The following MAPK10 variants were observed in gnomAD, a reference collection of about 807,000 sequenced individuals.
MAPK10 encodes the protein mitogen-activated protein kinase 10, also known as JNK3 alpha protein kinase.
A neutral mutation model predicts 59.3 loss-of-function variants in MAPK10; 25 were observed. The observed-to-expected ratio is 0.42, with a 90% CI of 0.31 to 0.59. The LOEUF (loss-of-function observed/expected upper bound fraction) is 0.59, where lower values mean the gene tolerates loss of function less well. Among genes scored for constraint, MAPK10 ranks in the 20% least tolerant of loss-of-function variants. The pLI is 0.15. For synonymous variants in MAPK10, 190 were observed against 200.5 expected, an observed-to-expected ratio of 0.95 and a Z score of 0.44; for missense variants, 351 against 568.9, an observed-to-expected ratio of 0.62 and a Z score of 3.90.
At chr4:86,166,634 A>T (rs1161011171) in intron 3 of MAPK10, among the ~76,000 whole-genome samples, 1 of 152,166 alleles carries the variant, frequency 6.6e-6, no homozygotes, top group African/African-American at 2.4e-5. Context: ...ATTACAGGAT[A>T]AGAAGATATT....
At chr4:86,064,863 T>C (rs2046418830) in intron 10 of MAPK10, 1 of 152,568 alleles carries the variant, frequency 6.6e-6, no homozygotes, top group African/African-American at 2.4e-5. Context: ...CTTAAGAGTT[T>C]GTATCATACA....
At chr4:86,194,202 C>T (rs760976963) in intron 3 of MAPK10, 134 bp downstream of exon 3, 9 of 708,280 alleles carry the variant, frequency 1.3e-5, no homozygotes, top group African/African-American at 1.8e-5. Context: ...AGCCGTCTTG[C>T]CAGCTCCTAA....
At chr4:86,152,137 C>T (rs936792073) in intron 4 of MAPK10, 11 of 152,160 alleles carry the variant, frequency 7.2e-5, no homozygotes, top group African/African-American at 2.7e-4. Context: ...CATCCATATT[C>T]TGATGTCCTT....
intron 1 of MAPK10, among the ~76,000 whole-genome samples, chr4:86,514,387 T>C (rs768275159): frequency 6.6e-6 from 1 of 152,228 alleles, no homozygotes; most frequent in Non-Finnish European, 1.5e-5. Context: ...TATACAATTG[T>C]CATTTTTCCT....
chr4:86,115,485 CAG>C (rs386676916), intron 4 of MAPK10, among the ~76,000 whole-genome samples: 7,417 of 151,966 alleles, frequency 0.049, 610 homozygotes, highest in African/African-American at 0.17. Flanking sequence ...TTTTTTTGGA[CAG>C]TTTTGCTCTT....
At chr4:86,262,439 C>T (rs1166984030) in intron 2 of MAPK10, among the ~76,000 whole-genome samples, 1 of 152,120 alleles carries the variant, frequency 6.6e-6, no homozygotes, top group Non-Finnish European at 1.5e-5. Context: ...CTAAAAAGAC[C>T]CCCTGGCCCC....
chr4:86,415,881 G>A (rs1054638667), intron 1 of MAPK10, among the ~76,000 whole-genome samples: 1 of 152,190 alleles, frequency 6.6e-6, no homozygotes, highest in African/African-American at 2.4e-5. Context: ...TCTTATAGCA[G>A]TATAGTATGG....
intron 4 of MAPK10, chr4:86,107,596 G>A: frequency 4.5e-6 from 5 of 1,123,334 alleles, no homozygotes; most frequent in Non-Finnish European, 5.5e-6. Flanking sequence ...AAGGGGGGAA[G>A]GAGTAGAAGA....
chr4:86,413,515 G>A (rs1319026914), intron 1 of MAPK10, among the ~76,000 whole-genome samples: 1 of 152,190 alleles, frequency 6.6e-6, no homozygotes, highest in Admixed American at 6.5e-5. Flanking sequence ...GCCCCCAGAG[G>A]TGGAATCTAG....
chr4:86,098,444 C>T, intron 9 of MAPK10, 80 bp downstream of exon 9: 1 of 1,592,504 alleles, frequency 6.3e-7, no homozygotes. Flanking sequence ...TCTATCTTTA[C>T]TCTCCTGGTA....
chr4:86,280,621 T>C (rs955499676), intron 2 of MAPK10, among the ~76,000 whole-genome samples: 1 of 152,080 alleles, frequency 6.6e-6, no homozygotes, highest in African/African-American at 2.4e-5. Context: ...AATAAATCGT[T>C]CTACCAAAAA....
chr4:86,433,272 A>G (rs1465046663), intron 1 of MAPK10, among the ~76,000 whole-genome samples: 1 of 152,050 alleles, frequency 6.6e-6, no homozygotes, highest in Non-Finnish European at 1.5e-5. Context: ...CCCTTGGACA[A>G]CAGGAGCTGC....
rs557977277 is a variant in MAPK10 at position 86,333,298 on chromosome 4, A to C, written c.-7+21232T>G. On this transcript the variant is annotated intron_variant, in intron 2 of 13. Coordinates refer to ENST00000641462, the MANE Select transcript of MAPK10 (RefSeq NM_138982.4). ...GCATCAAACCAATTTCATTCCTCTC[A>C]TAAAGAACCCCTCTCTGCTCTGCCC... is the stretch of plus-strand genomic sequence containing the variant. Among the ~76,000 whole-genome samples the C allele has an allele frequency of 4.7e-4, 71 of 152,290 alleles. No homozygotes were observed. In the East Asian group the frequency reaches 5.0e-3, roughly 11 times the overall value.
chr4:86,121,453 A>G (rs190583095), intron 4 of MAPK10, among the ~76,000 whole-genome samples: 176 of 152,300 alleles, frequency 1.2e-3, no homozygotes, highest in African/African-American at 4.1e-3. Context: ...TTGGAGATTA[A>G]GTTTCAATAT....
At chr4:86,389,541 T>C (rs1741932007) in intron 1 of MAPK10, among the ~76,000 whole-genome samples, 1 of 152,224 alleles carries the variant, frequency 6.6e-6, no homozygotes, top group Admixed American at 6.5e-5. Flanking sequence ...TTCTGTTTTT[T>C]TGCCTTTACT....
At chr4:86,517,247 C>A (rs1756741881) in intron 1 of MAPK10, among the ~76,000 whole-genome samples, 1 of 151,256 alleles carries the variant, frequency 6.6e-6, no homozygotes, top group African/African-American at 2.4e-5. Context: ...GGTATGAAAC[C>A]CACTTGAACA....
chr4:86,085,496 G>C (rs2051593263), intron 9 of MAPK10, among the ~76,000 whole-genome samples: 1 of 152,144 alleles, frequency 6.6e-6, no homozygotes, highest in Admixed American at 6.5e-5. Context: ...ATATGAAAAA[G>C]TGCTCAACAT....
At chr4:86,413,458 A>G (rs1745459740) in intron 1 of MAPK10, among the ~76,000 whole-genome samples, 1 of 152,194 alleles carries the variant, frequency 6.6e-6, no homozygotes, top group Non-Finnish European at 1.5e-5. Context: ...AGACAGGGAC[A>G]TTTAAGTCTG....
chr4:86,276,616 C>T (rs1171476285), intron 2 of MAPK10, among the ~76,000 whole-genome samples: 1 of 152,066 alleles, frequency 6.6e-6, no homozygotes. Flanking sequence ...CTTCCTTGCC[C>T]ACCCATCAAC....
Sources: allele counts gnomAD v4.1 joint callset (sites outside exome capture counted in the v4.1 genomes callset), GRCh38; gene constraint gnomAD v4.1.1; transcripts MANE v1.5; gene names NCBI Gene and HGNC (gene_info 2026-07-23, HGNC 2026-07-21).